Variants in B3GLCT observed in about 807,000 individuals in gnomAD.
The protein encoded by B3GLCT is beta 3-glucosyltransferase.
A neutral mutation model predicts 63.4 loss-of-function variants in B3GLCT; 65 were observed. The ratio of observed to expected loss-of-function variants is 1.03; its 90% CI spans 0.84 to 1.26. The LOEUF (loss-of-function observed/expected upper bound fraction) is 1.26, where lower values mean the gene tolerates loss of function less well. Ranked by LOEUF, B3GLCT falls within the 50% of genes most tolerant of loss-of-function variation. The pLI, the probability that B3GLCT is intolerant of heterozygous loss-of-function variation, is 0.00. For synonymous variants in B3GLCT, 233 were observed against 219.2 expected (o/e 1.06, Z -0.55); for missense variants, 577 against 604.8 (o/e 0.95, Z 0.48).
At chr13:31,321,389 G>C (rs2137942887) in intron 13 of B3GLCT, among the ~76,000 whole-genome samples, 1 of 152,302 alleles carries the variant, frequency 6.6e-6, no homozygotes, top group South Asian at 2.1e-4. Flanking sequence ...AGAATCAGTG[G>C]CTTGTAAAAC....
chr13:31,248,905 C>A (rs1871310048), intron 6 of B3GLCT, among the ~76,000 whole-genome samples: 1 of 152,136 alleles, frequency 6.6e-6, no homozygotes, highest in Non-Finnish European at 1.5e-5. Context: ...AGAGAGCTGC[C>A]TTGGAAATGT....
In B3GLCT at chr13:31,204,391, C is replaced by A. The variant is rs141647302; in HGVS notation, c.70+4237C>A. On this transcript the variant is annotated intron_variant, in intron 1 of 14. Transcript: ENST00000343307. ...TTAATTATCGGATCCAAAATGCCAA[C>A]AGTGGCAAGCTTGAGAAACTGTGGG... is the stretch of plus-strand genomic sequence containing the variant. Among the ~76,000 whole-genome samples the A allele has an allele frequency of 2.2e-3, 329 of 152,238 alleles. 1 individual carries two copies. The highest frequency in any genetic ancestry group is 3.4e-3 in the Middle Eastern group (1 of 294).
intron 2 of B3GLCT, among the ~76,000 whole-genome samples, chr13:31,217,058 C>T (rs1869600208): frequency 6.6e-6 from 1 of 152,164 alleles, no homozygotes; most frequent in Non-Finnish European, 1.5e-5. Flanking sequence ...ACATTCTCAC[C>T]AGCCATATGT....
rs371272572 is a variant in B3GLCT, at chr13:31,327,363, A to T, written c.1330-2138A>T. On this transcript the variant is annotated intron_variant, in intron 14 of 14. Transcript: ENST00000343307. ...GGCTTCTAGCGACTCAGGGGCAGGG[A>T]GTGTAGACAGCATGAAGATGCTGAA... 2.0e-3 allele frequency among the ~76,000 whole-genome samples: 302 copies of T among 152,330 alleles called. 2 individuals carry two copies. Among genetic ancestry groups the T allele is most frequent in the African/African-American group, 6.9e-3 (286 of 41,574 alleles).
intron 4 of B3GLCT, among the ~76,000 whole-genome samples, chr13:31,235,666 CACT>C (rs1235504678): frequency 2.0e-5 from 3 of 152,166 alleles, no homozygotes; most frequent in Non-Finnish European, 4.4e-5. Flanking sequence ...CTGGCACCAC[CACT>C]GTTATTATTT....
At chr13:31,214,745 T>C (rs1869463524) in intron 1 of B3GLCT, among the ~76,000 whole-genome samples, 1 of 152,246 alleles carries the variant, frequency 6.6e-6, no homozygotes, top group Admixed American at 6.5e-5. Context: ...AAATAGTATT[T>C]TGTACACATC....
chr13:31,226,509 A>G (rs1044699537), intron 3 of B3GLCT, among the ~76,000 whole-genome samples: 11 of 152,258 alleles, frequency 7.2e-5, no homozygotes, highest in African/African-American at 1.9e-4. Flanking sequence ...GTTGTCTTCA[A>G]TGAGAAGACA....
chr13:31,250,878 C>G (rs549880239), intron 6 of B3GLCT, among the ~76,000 whole-genome samples: 3 of 152,326 alleles, frequency 2.0e-5, no homozygotes, highest in East Asian at 1.9e-4. Context: ...GACAGCCTCC[C>G]TCCTGAAGTG....
chr13:31,326,782 C>G (rs1875649356), intron 14 of B3GLCT, among the ~76,000 whole-genome samples: 2 of 152,156 alleles, frequency 1.3e-5, no homozygotes, highest in Admixed American at 1.3e-4. Flanking sequence ...GGATGTATTT[C>G]ACTTTTCTGG....
chr13:31,293,500 A>G (rs1355524680), intron 12 of B3GLCT, among the ~76,000 whole-genome samples: 3 of 152,154 alleles, frequency 2.0e-5, no homozygotes, highest in Admixed American at 1.3e-4. Flanking sequence ...TTGGGTGCAT[A>G]TATATTTAGG....
intron 3 of B3GLCT, among the ~76,000 whole-genome samples, chr13:31,225,993 C>T (rs1442086312): frequency 6.6e-6 from 1 of 152,240 alleles, no homozygotes; most frequent in Non-Finnish European, 1.5e-5. Flanking sequence ...AAATGCCTGA[C>T]AGACATGGTC....
chr13:31,315,389 T>C lies in B3GLCT; in HGVS notation c.1065-2177T>C, dbSNP rs114444827. ...TGGAGCAAAGGTCACTCTTGCTGCG[T>C]TTTAGCAAAGAGACTGGTGGAATTT... On this transcript the variant is annotated intron_variant, in intron 12 of 14. Transcript: ENST00000343307. 5.5e-3 allele frequency among the ~76,000 whole-genome samples: 837 copies of C among 152,256 alleles called. 12 individuals are homozygous for C. Among genetic ancestry groups the C allele is most frequent in the African/African-American group, 0.019 (804 of 41,542 alleles).
chr13:31,213,019 T>TGTGTGTGTGTGTGTGTGCACGCGTGCGC (rs149682565), intron 1 of B3GLCT, among the ~76,000 whole-genome samples: 5,695 of 146,174 alleles, frequency 0.039, 119 homozygotes, highest in Non-Finnish European at 0.049. Context: ...GATTGGGCTT[T>TGTGTGTGTGTGTGTGTGCACGCGTGCGC]GTGTGTGTGT....
chr13:31,202,937 G>A (rs977004714), intron 1 of B3GLCT, among the ~76,000 whole-genome samples: 3 of 152,196 alleles, frequency 2.0e-5, no homozygotes, highest in Non-Finnish European at 4.4e-5. Context: ...TTGCAGACTT[G>A]TATTGCATGA....
In B3GLCT at chr13:31,319,397, C is replaced by A. The variant is rs9530677; in HGVS notation, c.1184+1712C>A. Among the ~76,000 whole-genome samples the A allele has an allele frequency of 1.5e-4, 5 of 33,542 alleles. No homozygotes were observed. The South Asian group carries it at 4.4e-3, about 29-fold the overall frequency. The allele number at this position is 33,542 out of a possible 152,430, so 22.0% of individuals were successfully genotyped here. On this transcript the variant is annotated intron_variant, in intron 13 of 14. Coordinates refer to ENST00000343307, the MANE Select transcript of B3GLCT (RefSeq NM_194318.4). ...CTCAGCCTTCTAAGAGTCATAAACT[C>A]CCAGCCTCCTAAACTACCTCACCAA...
intron 6 of B3GLCT, among the ~76,000 whole-genome samples, chr13:31,259,631 C>T (rs1264477537): frequency 6.6e-6 from 1 of 151,652 alleles, no homozygotes; most frequent in Admixed American, 6.6e-5. Flanking sequence ...TCTTCTCTTT[C>T]AAGGTCTCCA....
chr13:31,261,162 G>A, intron 7 of B3GLCT, 80 bp downstream of exon 7: 2 of 1,464,114 alleles, frequency 1.4e-6, no homozygotes, highest in Middle Eastern at 1.8e-4. Context: ...GTAACTGATG[G>A]ATCTCAGGAT....
intron 4 of B3GLCT, among the ~76,000 whole-genome samples, chr13:31,232,618 A>C (rs1870437833): frequency 6.6e-6 from 1 of 152,184 alleles, no homozygotes; most frequent in African/African-American, 2.4e-5. Flanking sequence ...ACAGATTGAG[A>C]CCGTATCACA....
intron 3 of B3GLCT, among the ~76,000 whole-genome samples, chr13:31,228,088 C>T (rs1870191251): frequency 6.6e-6 from 1 of 152,172 alleles, no homozygotes. Flanking sequence ...TTCCTGTTCG[C>T]CGTTGTAAAA....
Sources: allele counts gnomAD v4.1 joint callset (sites outside exome capture counted in the v4.1 genomes callset), GRCh38; gene constraint gnomAD v4.1.1; transcripts MANE v1.5; gene names NCBI Gene and HGNC (gene_info 2026-07-23, HGNC 2026-07-21).